Variants in NBEAL1 observed in about 807,000 individuals in gnomAD.
NBEAL1 encodes the protein neurobeachin-like protein 1.
A neutral mutation model predicts 351.3 loss-of-function variants in NBEAL1; 273 were observed. The observed-to-expected ratio is 0.78, with a 90% CI of 0.70 to 0.86. The LOEUF (loss-of-function observed/expected upper bound fraction) is 0.86. Among genes scored for constraint, NBEAL1 ranks in the 40% least tolerant of loss-of-function variants. The pLI is 0.00. For missense variants in NBEAL1, 2,961 were observed against 3,201.3 expected (o/e 0.92, Z 1.81); for synonymous variants, 1,050 against 1,086.4 (o/e 0.97, Z 0.66).
chr2:203,186,770 A>AAG (rs2064908521), intron 44 of NBEAL1, among the ~76,000 whole-genome samples: 1 of 152,208 alleles, frequency 6.6e-6, no homozygotes, highest in African/African-American at 2.4e-5. Context: ...AATTCCATTT[A>AAG]AAACTTTATA....
chr2:203,120,201 GTTTCAC>G (rs1288295383), intron 18 of NBEAL1, among the ~76,000 whole-genome samples: 2 of 152,056 alleles, frequency 1.3e-5, no homozygotes, highest in Non-Finnish European at 2.9e-5. Context: ...CACGTGTATT[GTTTCAC>G]TTAATCTTCA....
chr2:203,088,818 A>C (rs1196160322), intron 10 of NBEAL1, among the ~76,000 whole-genome samples: 1 of 152,222 alleles, frequency 6.6e-6, no homozygotes, highest in Non-Finnish European at 1.5e-5. Flanking sequence ...CATCAAGAAA[A>C]GGTCTTGACT....
intron 18 of NBEAL1, among the ~76,000 whole-genome samples, chr2:203,119,036 T>C (rs1271753421): frequency 6.6e-6 from 1 of 152,108 alleles, no homozygotes; most frequent in African/African-American, 2.4e-5. Flanking sequence ...GTCTTGTTTT[T>C]CCCCAAGAAA....
At chr2:203,116,695 C>T (rs992104736) in intron 18 of NBEAL1, among the ~76,000 whole-genome samples, 46 of 147,090 alleles carry the variant, frequency 3.1e-4, no homozygotes, top group South Asian at 1.3e-3. Context: ...GAGGCAAAGG[C>T]GGGAAGATCC....
At chr2:203,072,413 T>G (rs565886923) in intron 7 of NBEAL1, among the ~76,000 whole-genome samples, 75 of 151,976 alleles carry the variant, frequency 4.9e-4, no homozygotes, top group Non-Finnish European at 8.2e-4. Flanking sequence ...TTTGTTTGTT[T>G]TTTTTTTTTT....
intron 12 of NBEAL1, among the ~76,000 whole-genome samples, chr2:203,106,059 T>C (rs1437626230): frequency 1.3e-5 from 2 of 152,208 alleles, no homozygotes; most frequent in South Asian, 4.1e-4. Flanking sequence ...CACTAACCCT[T>C]AGAGTTTTCT....
rs542558277 is a variant in NBEAL1, at chr2:203,062,515, G to C, written c.515+5062G>C. ...ACCTAAGGCCTCTCAGAGCTGAGGAGAGGGAGCCCAAGCTAGGAGCGCAGC... is the reference window on the plus strand; with the variant it reads ...ACCTAAGGCCTCTCAGAGCTGAGGACAGGGAGCCCAAGCTAGGAGCGCAGC... On this transcript the variant is annotated intron_variant, in intron 6 of 55. Transcript: ENST00000683969. This position sits in a 1 kb window ranked among gnomAD's most constrained non-coding sequence, Gnocchi z 4.2. 5 of 257,430 alleles carry C rather than the reference G, an allele frequency of 1.9e-5. No individual in the cohort carries two copies. Among genetic ancestry groups the C allele is most frequent in the Admixed American group, 1.5e-4 (3 of 19,678 alleles). 15.9% of individuals were successfully genotyped at this position (257,430 alleles called of 1,614,324 possible).
chr2:203,210,437 G>A (rs1420512996), intron 53 of NBEAL1, among the ~76,000 whole-genome samples: 3 of 151,386 alleles, frequency 2.0e-5, no homozygotes, highest in Non-Finnish European at 4.4e-5. Context: ...CGAGGTGGGC[G>A]GATCACAAGG....
intron 4 of NBEAL1, among the ~76,000 whole-genome samples, chr2:203,053,114 A>G (rs557977867): frequency 2.0e-5 from 3 of 152,190 alleles, no homozygotes; most frequent in Non-Finnish European, 2.9e-5. Flanking sequence ...TAATTGCTGT[A>G]TCATACGGTA....
At chr2:203,160,981 G>A (rs1242738713) in intron 36 of NBEAL1, among the ~76,000 whole-genome samples, 1 of 151,946 alleles carries the variant, frequency 6.6e-6, no homozygotes, top group African/African-American at 2.4e-5. Context: ...TCACTAAAGG[G>A]CAGGAGTTTG....
intron 6 of NBEAL1, among the ~76,000 whole-genome samples, chr2:203,066,980 G>A (rs1559343131): frequency 6.9e-6 from 1 of 145,180 alleles, no homozygotes; most frequent in African/African-American, 2.6e-5. Context: ...GGGCGGCCGG[G>A]CAGAGGCACT....
intron 2 of NBEAL1, among the ~76,000 whole-genome samples, chr2:203,023,896 A>AGAGTTTTGGAACC (rs1452443052): frequency 6.6e-6 from 1 of 152,232 alleles, no homozygotes; most frequent in Non-Finnish European, 1.5e-5. Flanking sequence ...AGAAGAAGAC[A>AGAGTTTTGGAACC]GAGTTTTGGA....
intron 24 of NBEAL1, among the ~76,000 whole-genome samples, chr2:203,128,298 G>A (rs1022012837): frequency 7.5e-5 from 11 of 146,076 alleles, no homozygotes; most frequent in African/African-American, 2.8e-4. Context: ...GGTAAAGACA[G>A]GGTTTCACCA....
rs372327995 is a variant in NBEAL1, at chr2:203,076,884, G to A, written c.599-868G>A. ...TGGGATTACAGGCATGAGCCACTGC[G>A]CCCAGCCTAGATGTCTCTTTACTAA... On this transcript the variant is annotated intron_variant, in intron 7 of 55. Transcript: ENST00000683969. Among the ~76,000 whole-genome samples the A allele has an allele frequency of 4.0e-5, 6 of 151,730 alleles. 1 individual carries two copies. The East Asian group carries it at 5.8e-4, about 15-fold the overall frequency.
At chr2:203,162,752 G>A (rs1253309304) in intron 36 of NBEAL1, among the ~76,000 whole-genome samples, 1 of 152,118 alleles carries the variant, frequency 6.6e-6, no homozygotes, top group Non-Finnish European at 1.5e-5. Context: ...GATAATAAGT[G>A]ATTACATGTA....
chr2:203,138,572 T>C (rs756022701), intron 30 of NBEAL1, 48 bp from the exon 31 acceptor site: 3 of 1,527,476 alleles, frequency 2.0e-6, no homozygotes, highest in African/African-American at 1.4e-5. Flanking sequence ...CATCAGTAAA[T>C]TGAAAAACTG....
intron 26 of NBEAL1, 28 bp downstream of exon 26, chr2:203,132,160 T>C: frequency 7.5e-7 from 1 of 1,340,998 alleles, no homozygotes; most frequent in Non-Finnish European, 1.0e-6. Context: ...AAAGCTAACA[T>C]ATTTAAGAAA....
chr2:203,131,899 T>C, intron 25 of NBEAL1, 74 bp from the exon 26 acceptor site: 1 of 1,084,894 alleles, frequency 9.2e-7, no homozygotes, highest in Non-Finnish European at 1.3e-6. Context: ...TGTTAATAAG[T>C]TAACATTTTT....
intron 27 of NBEAL1, among the ~76,000 whole-genome samples, chr2:203,133,833 T>A (rs184784016): frequency 1.1e-3 from 170 of 151,546 alleles, no homozygotes; most frequent in Non-Finnish European, 1.1e-3. Context: ...AAAATATATA[T>A]ATTTGTTGTA....
Sources: gnomAD v4.1 joint callset for allele counts (sites outside exome capture counted in the v4.1 genomes callset) on GRCh38, gnomAD v4.1.1 for gene constraint, Gnocchi (gnomAD v3.1) non-coding constraint, MANE v1.5 for transcripts, NCBI Gene and HGNC (gene_info 2026-07-23, HGNC 2026-07-21) for gene names.